RANBP17: variants seen among roughly 807,000 people sequenced by gnomAD.
RANBP17 encodes ran-binding protein 17.
RANBP17 carries 158 observed loss-of-function variants against 141.2 expected under a neutral mutation model. That is an observed-to-expected ratio of 1.12 (90% CI 0.98 to 1.28). The LOEUF is 1.28. RANBP17 is among the 50% of genes most tolerant of loss of function. The pLI is 0.00. For synonymous variants in RANBP17, 430 were observed against 450.0 expected (o/e 0.96, Z 0.56); for missense variants, 1,438 against 1,290.7 (o/e 1.11, Z -1.75).
chr5:170,870,315 C>G (rs1420915804), intron 1 of RANBP17, among the ~76,000 whole-genome samples: 1 of 152,098 alleles, frequency 6.6e-6, no homozygotes, highest in East Asian at 1.9e-4. Context: ...GACCCGTCAC[C>G]TAGGTATTAA....
rs577277797 is a variant in RANBP17 at position 171,219,405 on chromosome 5, T to G, written c.2340-2353T>G. The stretch of plus-strand genomic sequence containing the variant: ...TTCTCAAGGAGTGTGTTAGTGGTGT[T>G]CTCTGTATTTCCTGAATTTGAATGT... On this transcript the variant is annotated intron_variant, in intron 21 of 27. Transcript: ENST00000523189. 4.6e-5 allele frequency among the ~76,000 whole-genome samples: 7 copies of G among 152,290 alleles called. No homozygotes were observed. The South Asian group carries it at 1.5e-3, about 32-fold the overall frequency.
At chr5:171,224,349 TTTTCTGGATC>T (rs1194381556) in intron 22 of RANBP17, among the ~76,000 whole-genome samples, 2 of 152,228 alleles carry the variant, frequency 1.3e-5, no homozygotes, top group Non-Finnish European at 2.9e-5. Context: ...TCCTACCCCT[TTTTCTGGATC>T]TTTCTTTTCA....
chr5:171,197,098 G>C (rs1236354113), intron 18 of RANBP17, among the ~76,000 whole-genome samples: 2 of 152,108 alleles, frequency 1.3e-5, no homozygotes, highest in African/African-American at 4.8e-5. Flanking sequence ...CATGGCTTAA[G>C]TATAATGAGC....
At chr5:171,179,070 T>C (rs1172252561) in intron 16 of RANBP17, among the ~76,000 whole-genome samples, 1 of 152,242 alleles carries the variant, frequency 6.6e-6, no homozygotes, top group Admixed American at 6.5e-5. Flanking sequence ...CCATTACTTT[T>C]GATGTTTTAG....
chr5:171,039,938 A>G (rs915643679), intron 14 of RANBP17, among the ~76,000 whole-genome samples: 14 of 152,148 alleles, frequency 9.2e-5, no homozygotes, highest in South Asian at 8.3e-4. Context: ...AAATTCTACC[A>G]CATGTACATA....
intron 25 of RANBP17, among the ~76,000 whole-genome samples, chr5:171,283,190 T>A (rs1269254990): frequency 6.6e-6 from 1 of 152,236 alleles, no homozygotes; most frequent in Non-Finnish European, 1.5e-5. Flanking sequence ...GCCCCTTGTG[T>A]AAGCTTCTGT....
At chr5:171,004,268 A>AAGG (rs200368529) in intron 14 of RANBP17, among the ~76,000 whole-genome samples, 1,657 of 152,178 alleles carry the variant, frequency 0.011, 23 homozygotes, top group African/African-American at 0.038. Flanking sequence ...GGAAGACACG[A>AAGG]AGGAGGCTTT....
intron 13 of RANBP17, among the ~76,000 whole-genome samples, chr5:170,959,845 A>G (rs143731218): frequency 1.7e-4 from 26 of 152,332 alleles, no homozygotes; most frequent in African/African-American, 6.0e-4. Flanking sequence ...AACATTGGGT[A>G]GGCTTAAAAG....
intron 27 of RANBP17, among the ~76,000 whole-genome samples, chr5:171,297,844 TTC>T (rs1768912536): frequency 1.4e-5 from 2 of 138,474 alleles, no homozygotes; most frequent in African/African-American, 2.7e-5. Flanking sequence ...ACCCAATAAA[TTC>T]TTTTTTTTTT....
chr5:170,870,591 G>A (rs188355671), intron 1 of RANBP17, among the ~76,000 whole-genome samples: 4 of 152,212 alleles, frequency 2.6e-5, no homozygotes, highest in African/African-American at 7.2e-5. Context: ...TGGCTTATAT[G>A]TACCACATTT....
intron 22 of RANBP17, among the ~76,000 whole-genome samples, chr5:171,223,642 TAAAATA>T (rs1763706915): frequency 1.3e-5 from 2 of 151,914 alleles, no homozygotes; most frequent in South Asian, 4.2e-4. Flanking sequence ...TCTCAAAAAA[TAAAATA>T]AAAATAAAAT....
chr5:171,120,657 A>T (rs1309873214), intron 14 of RANBP17, among the ~76,000 whole-genome samples: 1 of 151,900 alleles, frequency 6.6e-6, no homozygotes, highest in Non-Finnish European at 1.5e-5. Context: ...CTTGTATCTC[A>T]CTGAGTTTTC....
At chr5:171,016,375 A>G (rs373592535) in intron 14 of RANBP17, among the ~76,000 whole-genome samples, 1 of 152,066 alleles carries the variant, frequency 6.6e-6, no homozygotes. Context: ...CTTACATACC[A>G]TAAAGACATA....
At chr5:171,283,508 A>G (rs1277400883) in intron 25 of RANBP17, among the ~76,000 whole-genome samples, 1 of 152,268 alleles carries the variant, frequency 6.6e-6, no homozygotes, top group Non-Finnish European at 1.5e-5. Flanking sequence ...TTTCTGTGCC[A>G]TTAGATAACT....
At chr5:170,995,087 A>C (rs1215515724) in intron 14 of RANBP17, among the ~76,000 whole-genome samples, 1 of 152,156 alleles carries the variant, frequency 6.6e-6, no homozygotes, top group Non-Finnish European at 1.5e-5. Flanking sequence ...ATTCCTAGTT[A>C]AATCAGCCAG....
intron 14 of RANBP17, among the ~76,000 whole-genome samples, chr5:170,998,107 C>A (rs1778952346): frequency 1.3e-5 from 2 of 151,642 alleles, no homozygotes; most frequent in Admixed American, 6.6e-5. Context: ...AAAAAAAAAC[C>A]CTTTTTCTGT....
intron 24 of RANBP17, among the ~76,000 whole-genome samples, chr5:171,251,392 A>T (rs1765548007): frequency 6.6e-6 from 1 of 152,140 alleles, no homozygotes. Flanking sequence ...ACAAATTTTT[A>T]AAAATTGAAA....
chr5:170,983,945 C>G (rs1029248079), intron 14 of RANBP17, among the ~76,000 whole-genome samples: 1 of 152,074 alleles, frequency 6.6e-6, no homozygotes, highest in African/African-American at 2.4e-5. Context: ...GCAGAATGTG[C>G]AAAGCCTTAA....
chr5:171,083,963 T>TTA (rs1398741741), intron 14 of RANBP17, among the ~76,000 whole-genome samples: 1 of 151,192 alleles, frequency 6.6e-6, no homozygotes, highest in African/African-American at 2.4e-5. Flanking sequence ...GTTATGTCTT[T>TTA]TTTTTTTTTA....
Sources: gnomAD v4.1 joint callset for allele counts (sites outside exome capture counted in the v4.1 genomes callset) on GRCh38, gnomAD v4.1.1 for gene constraint, MANE v1.5 for transcripts, NCBI Gene and HGNC (gene_info 2026-07-23, HGNC 2026-07-21) for gene names.